Variants in ZKSCAN5 observed in about 807,000 individuals in gnomAD.
ZKSCAN5 encodes zinc finger protein with KRAB and SCAN domains 5.
In ZKSCAN5, 28 loss-of-function variants were observed where a neutral mutation model predicts 60.0. The ratio of observed to expected loss-of-function variants is 0.47; its 90% CI spans 0.35 to 0.64. The LOEUF is 0.64. Among genes scored for constraint, ZKSCAN5 ranks in the 30% least tolerant of loss-of-function variants. The probability of loss-of-function intolerance (pLI) is 0.01; values close to 1 mark genes in which losing one functional copy is unlikely to be tolerated. For synonymous variants in ZKSCAN5, 361 were observed against 371.2 expected (o/e 0.97, Z 0.31); for missense variants, 881 against 1,034.6 (o/e 0.85, Z 2.04).
At chr7:99,516,881 A>G (rs539669405) in intron 3 of ZKSCAN5, among the ~76,000 whole-genome samples, 3 of 152,158 alleles carry the variant, frequency 2.0e-5, no homozygotes, top group South Asian at 4.1e-4. Flanking sequence ...ACCTTTCGTC[A>G]TGGCACTCTT....
chr7:99,519,273 AT>A (rs536984886), intron 3 of ZKSCAN5, among the ~76,000 whole-genome samples: 68,762 of 112,646 alleles, frequency 0.61, 20,765 homozygotes, highest in South Asian at 0.8. Flanking sequence ...CACGCCCAGT[AT>A]TTTTTTTTTT....
chr7:99,525,724 A>T, intron 5 of ZKSCAN5, 89 bp from the exon 6 acceptor site: 3 of 1,491,494 alleles, frequency 2.0e-6, no homozygotes, highest in Non-Finnish European at 2.7e-6. Flanking sequence ...GATCCCTAGC[A>T]CATGTCAGTT....
intron 6 of ZKSCAN5, among the ~76,000 whole-genome samples, chr7:99,528,068 G>A (rs1342492208): frequency 6.6e-6 from 1 of 151,588 alleles, no homozygotes; most frequent in Non-Finnish European, 1.5e-5. Flanking sequence ...TGAACTTAAA[G>A]GCCCTTACTA....
Position 99,532,467 on chromosome 7 carries a change from T to C in ZKSCAN5, c.*218T>C. The C allele has an allele frequency of 2.4e-6, 1 of 419,904 alleles. No individual in the cohort carries two copies. Among genetic ancestry groups the C allele is most frequent in the Middle Eastern group, 6.4e-4 (1 of 1,554 alleles). 26.0% of individuals were successfully genotyped at this position (419,904 alleles called of 1,614,324 possible). ...AGAAATGCTTTAGTTAGCATCTTCA[T>C]GCTTGGAAATCTAGACAAGAAGAGA... is the stretch of plus-strand genomic sequence containing the variant. On this transcript the variant is annotated 3_prime_UTR_variant, in exon 7 of 7. Transcript: ENST00000326775.
chr7:99,514,738 C>G (rs1355384588), intron 3 of ZKSCAN5, among the ~76,000 whole-genome samples: 1 of 151,970 alleles, frequency 6.6e-6, no homozygotes, highest in South Asian at 2.1e-4. Context: ...AAAACCCCAT[C>G]TCTACTAAAA....
chr7:99,507,607 G>GTA (rs1334165414), intron 2 of ZKSCAN5, among the ~76,000 whole-genome samples: 2 of 149,816 alleles, frequency 1.3e-5, no homozygotes, highest in African/African-American at 2.5e-5. Context: ...ATATATATAT[G>GTA]TATATATATA....
chr7:99,533,255 AGCAG>A lies in ZKSCAN5; in HGVS notation c.*1016_*1019del. ...CTGGGATTGAAAGTAATCAGTCGTG[AGCAG>A]GCAGGCAGGAGGTCCTGTTAGCCCT... is the stretch of plus-strand genomic sequence containing the variant. On this transcript the variant is annotated 3_prime_UTR_variant, in exon 7 of 7. Coordinates refer to ENST00000326775, the MANE Select transcript of ZKSCAN5 (RefSeq NM_145102.4). The A allele has an allele frequency of 2.9e-6, 2 of 690,518 alleles. No homozygotes were observed. Among genetic ancestry groups the A allele is most frequent in the Non-Finnish European group, 5.3e-6 (2 of 377,606 alleles). The allele number at this position is 690,518 out of a possible 1,614,324, so 42.8% of individuals were successfully genotyped here. A position where few individuals can be genotyped will look rare whatever the true frequency, so the allele number is the denominator to read the frequency against.
intron 3 of ZKSCAN5, among the ~76,000 whole-genome samples, chr7:99,513,565 T>C (rs1801137582): frequency 6.6e-6 from 1 of 152,002 alleles, no homozygotes; most frequent in Non-Finnish European, 1.5e-5. Context: ...AGCTAATTTT[T>C]GGATTTTTAG....
rs1449950646 is a variant in ZKSCAN5, at chr7:99,532,221, C to T, written c.2492C>T (p.Thr831Ile). 6.2e-7 allele frequency: 1 copy of T among 1,601,262 alleles called. No individual in the cohort carries two copies. Among genetic ancestry groups the T allele is most frequent in the South Asian group, 1.1e-5 (1 of 88,716 alleles). ...CATGAGAGGACAGATCCCATAAATA[C>T]CTTAAGTGTAGAGGGGTCTCTGTTG... is the stretch of plus-strand genomic sequence containing the variant. Reference protein sequence around the residue: ...RSHERTDPINTLSVEGSLL With the variant: ...RSHERTDPINILSVEGSLL Residue 831 changes from threonine (T) to isoleucine (I), a missense_variant, in exon 7 of 7, where the codon ACC (threonine) becomes ATC (isoleucine). By Grantham distance (89) the Thr-to-Ile change is moderately conservative. Transcript: ENST00000326775.
chr7:99,505,908 G>C (rs976830259), intron 1 of ZKSCAN5, 97 bp from the exon 2 acceptor site: 1 of 1,063,868 alleles, frequency 9.4e-7, no homozygotes, highest in African/African-American at 1.6e-5. Context: ...TTTGCCATCT[G>C]TCTTTGCTAA....
rs1003590920 is a variant in ZKSCAN5 at position 99,534,174 on chromosome 7, T to G, written c.*1925T>G. On this transcript the variant is annotated 3_prime_UTR_variant, in exon 7 of 7. Transcript: ENST00000326775. The stretch of plus-strand genomic sequence containing the variant: ...ATGACAGGGCAAATAACCACCAATT[T>G]AATGCCAAGTGTGTGTCAGAGGACC... The G allele has an allele frequency of 5.3e-5, 8 of 152,220 alleles. No homozygotes were observed. Among genetic ancestry groups the G allele is most frequent in the African/African-American group, 1.9e-4 (8 of 41,464 alleles). The allele number at this position is 152,220 out of a possible 1,614,324, so 9.4% of individuals were successfully genotyped here. A position where few individuals can be genotyped will look rare whatever the true frequency, so the allele number is the denominator to read the frequency against.
intron 2 of ZKSCAN5, among the ~76,000 whole-genome samples, chr7:99,512,156 C>G (rs1161509914): frequency 6.6e-6 from 1 of 152,136 alleles, no homozygotes. Context: ...TCCCTGGCCT[C>G]CCAGTCTAAA....
rs554513437 is a variant in ZKSCAN5, at chr7:99,506,738, A to G, written c.414+280A>G. Among the ~76,000 whole-genome samples the G allele has an allele frequency of 3.9e-5, 6 of 152,280 alleles. No homozygotes were observed. The South Asian group carries it at 1.2e-3, about 32-fold the overall frequency. On this transcript the variant is annotated intron_variant, in intron 2 of 6. Transcript: ENST00000326775. ...CGCTCTGTCGCCTATGCTGGAGTGCAGTGGTGCGATCTCGGCTCACTGCAA... is the reference window on the plus strand; with the variant it reads ...CGCTCTGTCGCCTATGCTGGAGTGCGGTGGTGCGATCTCGGCTCACTGCAA...
intron 2 of ZKSCAN5, among the ~76,000 whole-genome samples, chr7:99,512,159 A>G (rs1421942812): frequency 6.6e-6 from 1 of 152,094 alleles, no homozygotes; most frequent in Non-Finnish European, 1.5e-5. Context: ...CTGGCCTCCC[A>G]GTCTAAAATA....
intron 3 of ZKSCAN5, among the ~76,000 whole-genome samples, chr7:99,519,254 G>A (rs539507907): frequency 4.0e-5 from 6 of 149,430 alleles, no homozygotes; most frequent in South Asian, 2.1e-4. Flanking sequence ...GATTACAGGC[G>A]TGAGCCACCA....
chr7:99,532,172 A>T lies in ZKSCAN5; in HGVS notation c.2443A>T (p.Ser815Cys). Residue 815 changes from serine to cysteine, a missense_variant, in exon 7 of 7, where the codon AGC becomes TGC. Transcript: ENST00000326775. ...TGGAATGAATTTCAGCTGGAGTTGTAGCCTCTTTAAACACCTGAGAAGCCA... is the reference window on the plus strand; with the variant it reads ...TGGAATGAATTTCAGCTGGAGTTGTTGCCTCTTTAAACACCTGAGAAGCCA... ...ECGMNFSWSC[S>C]LFKHLRSHER... is the part of the protein sequence containing the mutation. 1 of 1,613,590 alleles carries T rather than the reference A, an allele frequency of 6.2e-7. No individual in the cohort carries two copies. Among genetic ancestry groups the T allele is most frequent in the Non-Finnish European group, 8.5e-7 (1 of 1,180,004 alleles).
rs766025802 is a variant in ZKSCAN5 at position 99,506,299 on chromosome 7, G to A, written c.255G>A (p.Thr85=). The change falls in exon 2 of 7, where the codon ACG becomes ACA. Residue 85 remains threonine, a synonymous_variant. Coordinates refer to ENST00000326775, the MANE Select transcript of ZKSCAN5 (RefSeq NM_145102.4). Reference sequence around the variant, plus strand: ...AGTGGCTGAGGCCCGAGCTGCACACGAAGGAGCAGATCCTGGAGCTGCTGG... The same window carrying A: ...AGTGGCTGAGGCCCGAGCTGCACACAAAGGAGCAGATCCTGGAGCTGCTGG... ...CCEWLRPELH[T]KEQILELLVL... The A allele has an allele frequency of 6.2e-7, 1 of 1,614,214 alleles. No homozygotes were observed. The highest frequency in any genetic ancestry group is 1.1e-5 in the South Asian group (1 of 91,084).
chr7:99,514,911 C>CA lies in ZKSCAN5; in HGVS notation c.553+2335dup, dbSNP rs776123021. Among the ~76,000 whole-genome samples, 897 of 119,666 alleles carry CA rather than the reference C, an allele frequency of 7.5e-3. 10 individuals carry two copies. The highest frequency in any genetic ancestry group is 0.041 in the East Asian group (171 of 4,170). 78.5% of individuals were successfully genotyped at this position (119,666 alleles called of 152,430 possible). ...GGGTGACAAGAGCAAAACTCTGTCT[C>CA]AAAAAAAAAAAAAAATGTATTAGCT... On this transcript the variant is annotated intron_variant, in intron 3 of 6. Coordinates refer to ENST00000326775, the MANE Select transcript of ZKSCAN5 (RefSeq NM_145102.4).
Position 99,533,526 on chromosome 7 carries a change from T to C in ZKSCAN5, c.*1277T>C, listed in dbSNP as rs1802144614. On this transcript the variant is annotated 3_prime_UTR_variant, in exon 7 of 7. Transcript: ENST00000326775. ...AGCTGAGACCCCCATCCCCAGCTGC[T>C]CTGAGTTTGGGCTGCAAGTGCTCAC... The C allele has an allele frequency of 2.4e-6, 1 of 412,098 alleles. No individual in the cohort carries two copies. The highest frequency in any genetic ancestry group is 3.4e-5 in the East Asian group (1 of 29,044). 25.5% of individuals were successfully genotyped at this position (412,098 alleles called of 1,614,324 possible). A position where few individuals can be genotyped will look rare whatever the true frequency, so the allele number is the denominator to read the frequency against.
Sources: allele counts gnomAD v4.1 joint callset (sites outside exome capture counted in the v4.1 genomes callset), GRCh38; gene constraint gnomAD v4.1.1; transcripts MANE v1.5; gene names NCBI Gene and HGNC (gene_info 2026-07-23, HGNC 2026-07-21).